CDC42BPB: variants seen among roughly 807,000 people sequenced by gnomAD.
The protein encoded by CDC42BPB is CDC42 binding protein kinase beta.
A neutral mutation model predicts 214.9 loss-of-function variants in CDC42BPB; 37 were observed. The observed-to-expected ratio is 0.17, with a 90% CI of 0.13 to 0.23. The LOEUF (loss-of-function observed/expected upper bound fraction) is 0.23, where lower values mean the gene tolerates loss of function less well. Among genes scored for constraint, CDC42BPB ranks in the 10% least tolerant of loss-of-function variants. The pLI is 1.00. For missense variants in CDC42BPB, 1,694 were observed against 2,227.0 expected (o/e 0.76, Z 4.82); for synonymous variants, 931 against 884.0 (o/e 1.05, Z -0.94).
chr14:103,013,573 T>C (rs1338373042), intron 1 of CDC42BPB, among the ~76,000 whole-genome samples: 2 of 152,234 alleles, frequency 1.3e-5, no homozygotes, highest in Admixed American at 6.5e-5. Context: ...TGGCACCTGC[T>C]GGAATAGGGT....
chr14:103,004,046 A>T lies in CDC42BPB; in HGVS notation c.352-23T>A. The T allele has an allele frequency of 6.3e-7, 1 of 1,580,588 alleles. No homozygotes were observed. The highest frequency in any genetic ancestry group is 8.6e-7 in the Non-Finnish European group (1 of 1,168,010). On this transcript the variant is annotated intron_variant, in intron 3 of 36. Coordinates refer to ENST00000361246, the MANE Select transcript of CDC42BPB (RefSeq NM_006035.4). This position sits in a 1 kb window ranked among gnomAD's most constrained non-coding sequence, Gnocchi z 5.3. ...GGTCTGCAAAGCAACGAGGGGTGTC[A>T]GTCTGTGTTCACTGGGAAGCAGGCC...
chr14:102,939,397 C>T (rs561385473), intron 34 of CDC42BPB, among the ~76,000 whole-genome samples: 2 of 152,220 alleles, frequency 1.3e-5, no homozygotes, highest in South Asian at 2.1e-4. Context: ...CTGCCCAGGG[C>T]GGCCCGAGGC....
rs758971557 is a variant in CDC42BPB, at chr14:102,939,822, G to A, written c.4709+8C>T. 7.4e-6 allele frequency: 12 copies of A among 1,613,886 alleles called. No individual in the cohort carries two copies. The highest frequency in any genetic ancestry group is 1.0e-5 in the Non-Finnish European group (12 of 1,180,042). On this transcript the variant is annotated splice_region_variant and intron_variant, in intron 33 of 36. Transcript: ENST00000361246. ...GGCCCAGCAGGCCCCGTGAGGCCCC[G>A]CTCCTACCGCCTCTGCTGCAGTCTC...
intron 30 of CDC42BPB, chr14:102,941,567 G>C: frequency 1.0e-6 from 1 of 985,420 alleles, no homozygotes; most frequent in Non-Finnish European, 1.2e-6. Context: ...TCTCCACACG[G>C]GCTTCTGGGA....
intron 15 of CDC42BPB, 38 bp downstream of exon 15, chr14:102,968,434 C>T: frequency 6.2e-7 from 1 of 1,613,376 alleles, no homozygotes; most frequent in Non-Finnish European, 8.5e-7. Context: ...TGGGTATCAG[C>T]TTGCATCTTC....
Position 102,933,469 on chromosome 14 carries a change from G to A in CDC42BPB, c.*243C>T. On this transcript the variant is annotated 3_prime_UTR_variant, in exon 37 of 37. Transcript: ENST00000361246. ...GGGGTGGGAGACAGGCTGTATGGGGGTCCTTCATGTGCAGATGGAACAGCA... is the reference window on the plus strand; with the variant it reads ...GGGGTGGGAGACAGGCTGTATGGGGATCCTTCATGTGCAGATGGAACAGCA... 1 of 382,768 alleles carries A rather than the reference G, an allele frequency of 2.6e-6. No homozygotes were observed. Among genetic ancestry groups the A allele is most frequent in the Non-Finnish European group, 4.6e-6 (1 of 217,298 alleles). The allele number at this position is 382,768 out of a possible 1,614,324, so 23.7% of individuals were successfully genotyped here.
intron 1 of CDC42BPB, among the ~76,000 whole-genome samples, chr14:103,052,775 A>G (rs983631086): frequency 6.6e-6 from 1 of 152,228 alleles, no homozygotes; most frequent in African/African-American, 2.4e-5. Flanking sequence ...TCTGACGGCC[A>G]CACAGCAGCC....
intron 1 of CDC42BPB, among the ~76,000 whole-genome samples, chr14:103,030,997 CAA>C (rs986834875): frequency 1.6e-4 from 24 of 152,088 alleles, no homozygotes; most frequent in Non-Finnish European, 2.8e-4. Flanking sequence ...TACACACACA[CAA>C]AAGTGTTCAG....
At chr14:103,018,673 G>A (rs35206915) in intron 1 of CDC42BPB, among the ~76,000 whole-genome samples, 1 of 152,336 alleles carries the variant, frequency 6.6e-6, no homozygotes, top group East Asian at 1.9e-4. Context: ...GCAGGTTGGG[G>A]TGAGGAGGGG....
chr14:102,948,945 T>A (rs1005234536), intron 26 of CDC42BPB, among the ~76,000 whole-genome samples: 2 of 151,940 alleles, frequency 1.3e-5, no homozygotes, highest in African/African-American at 4.8e-5. Flanking sequence ...TGCCAGGTGA[T>A]GCCGACTCAC....
At position 102,944,503 on chromosome 14, in the gene CDC42BPB, C is replaced by G. The variant is rs763254552; in HGVS notation, c.3812-16G>C. 3 of 1,601,644 alleles carry G rather than the reference C, an allele frequency of 1.9e-6. No homozygotes were observed. The highest frequency in any genetic ancestry group is 1.7e-4 in the Middle Eastern group (1 of 6,006). The stretch of plus-strand genomic sequence containing the variant: ...CGGACGATCACTGTGGCAAGGAGGA[C>G]AAGAGCGTGAGGCCGACGGGACAGC... On this transcript the variant is annotated splice_polypyrimidine_tract_variant and intron_variant, in intron 29 of 36. Transcript: ENST00000361246. The surrounding 1 kb of genome is among the most constrained non-coding windows in gnomAD (Gnocchi z 6.6).
At chr14:102,982,699 A>T (rs1289958392) in intron 7 of CDC42BPB, among the ~76,000 whole-genome samples, 2 of 152,128 alleles carry the variant, frequency 1.3e-5, no homozygotes, top group African/African-American at 4.8e-5. Context: ...TGAACCTGGG[A>T]GGCATAGCTG....
chr14:103,011,322 C>T (rs547071482), intron 2 of CDC42BPB, among the ~76,000 whole-genome samples: 8 of 152,332 alleles, frequency 5.3e-5, no homozygotes, highest in African/African-American at 1.2e-4. Context: ...AGAGCCACAC[C>T]GCGTGTGTCA....
chr14:102,995,404 A>AC (rs966410560), intron 5 of CDC42BPB, among the ~76,000 whole-genome samples: 3 of 152,048 alleles, frequency 2.0e-5, no homozygotes, highest in Admixed American at 2.0e-4. Context: ...CAAACTCCTG[A>AC]CCTCAGGTGA....
intron 12 of CDC42BPB, among the ~76,000 whole-genome samples, chr14:102,972,587 G>A (rs182865330): frequency 6.9e-4 from 104 of 151,788 alleles, no homozygotes; most frequent in Admixed American, 1.7e-3. Flanking sequence ...TACTTGGGAA[G>A]CTGAGGCAGG....
intron 1 of CDC42BPB, among the ~76,000 whole-genome samples, chr14:103,026,433 G>C (rs1887060018): frequency 6.6e-6 from 1 of 152,086 alleles, no homozygotes; most frequent in Non-Finnish European, 1.5e-5. Context: ...GTAAATCTTT[G>C]TGGCCTTGGA....
At chr14:102,968,843 C>A (rs1319448789) in intron 14 of CDC42BPB, 127 bp from the exon 15 acceptor site, 18 of 1,504,686 alleles carry the variant, frequency 1.2e-5, no homozygotes, top group Admixed American at 2.2e-5. Flanking sequence ...CTGGTCTACA[C>A]CAGATGACGT....
intron 28 of CDC42BPB, 101 bp from the exon 29 acceptor site, chr14:102,945,825 A>G (rs1396215867): frequency 5.1e-6 from 5 of 985,114 alleles, no homozygotes; most frequent in African/African-American, 3.2e-5. Flanking sequence ...CTTTTCAACC[A>G]TATGTGGATG....
chr14:103,008,385 G>C (rs571418182), intron 3 of CDC42BPB, 87 bp downstream of exon 3: 2 of 862,884 alleles, frequency 2.3e-6, no homozygotes, highest in Non-Finnish European at 4.0e-6. Flanking sequence ...GCTGTGGGGT[G>C]GCTGCAGCTT....
Sources: allele counts gnomAD v4.1 joint callset (sites outside exome capture counted in the v4.1 genomes callset), GRCh38; gene constraint gnomAD v4.1.1; non-coding constraint Gnocchi (gnomAD v3.1); transcripts MANE v1.5; gene names NCBI Gene and HGNC (gene_info 2026-07-23, HGNC 2026-07-21).